Variants in SEMA4D observed in about 807,000 individuals in gnomAD.
SEMA4D encodes the protein semaphorin-4D.
A neutral mutation model predicts 74.8 loss-of-function variants in SEMA4D; 22 were observed. That is an observed-to-expected ratio of 0.29 (90% confidence interval 0.21 to 0.42). The LOEUF is 0.42. Among genes scored for constraint, SEMA4D ranks in the 10% least tolerant of loss-of-function variants. SEMA4D has a pLI of 1.00. For synonymous variants in SEMA4D, 445 were observed against 463.7 expected (o/e 0.96, Z 0.52); for missense variants, 937 against 1,118.4 (o/e 0.84, Z 2.31).
rs1836959131 is a variant in SEMA4D, at chr9:89,381,170, A to G, written c.1619+4T>C. 2 of 1,613,928 alleles carry G rather than the reference A, an allele frequency of 1.2e-6. No homozygotes were observed. The highest frequency in any genetic ancestry group is 1.7e-6 in the Non-Finnish European group (2 of 1,179,864). On this transcript the variant is annotated splice_donor_region_variant and intron_variant, in intron 14 of 15. Transcript: ENST00000422704. This position sits in a 1 kb window ranked among gnomAD's most constrained non-coding sequence, Gnocchi z 4.6. ...ATCCCCAGGCAGCGCATCCCGCCCCATACCTGCTGGGGCTCTCGGTCTGGT... is the reference window on the plus strand; with the variant it reads ...ATCCCCAGGCAGCGCATCCCGCCCCGTACCTGCTGGGGCTCTCGGTCTGGT...
At chr9:89,458,367 C>T (rs1050802247) in intron 1 of SEMA4D, among the ~76,000 whole-genome samples, 1 of 152,160 alleles carries the variant, frequency 6.6e-6, no homozygotes, top group Admixed American at 6.5e-5. Flanking sequence ...CCACATAGCA[C>T]CGCCCCTTTT....
At chr9:89,470,336 T>C (rs748566953) in intron 1 of SEMA4D, among the ~76,000 whole-genome samples, 40 of 152,278 alleles carry the variant, frequency 2.6e-4, no homozygotes, top group Non-Finnish European at 5.0e-4. Flanking sequence ...CTTCAACAGA[T>C]ACTTCACCAA....
chr9:89,458,176 C>T (rs1353086116), intron 1 of SEMA4D, among the ~76,000 whole-genome samples: 1 of 152,192 alleles, frequency 6.6e-6, no homozygotes, highest in Non-Finnish European at 1.5e-5. Flanking sequence ...CTTACGTATG[C>T]ATGTGAGTGG....
In SEMA4D at chr9:89,479,843, G is replaced by A. The variant is rs542125493; in HGVS notation, c.-310+18076C>T. Reference sequence around the variant, plus strand: ...CCAAAGAGCTAGCAGTAGCAAGAGCGAAAGAACAAAGCTTCCACAGTGTGG... The same window carrying A: ...CCAAAGAGCTAGCAGTAGCAAGAGCAAAAGAACAAAGCTTCCACAGTGTGG... On this transcript the variant is annotated intron_variant, in intron 1 of 15. Coordinates refer to ENST00000422704, the MANE Select transcript of SEMA4D (RefSeq NM_001371194.2). 163 of 154,410 alleles carry A rather than the reference G, an allele frequency of 1.1e-3. 1 individual carries two copies. The highest frequency in any genetic ancestry group is 4.4e-3 in the East Asian group (23 of 5,230). The allele number at this position is 154,410 out of a possible 1,614,324, so 9.6% of individuals were successfully genotyped here.
Position 89,400,793 on chromosome 9 carries a change from TTAAGTA to T in SEMA4D, c.253-1461_253-1456del, listed in dbSNP as rs919264035. Among the ~76,000 whole-genome samples, 8 of 152,094 alleles carry T rather than the reference TTAAGTA, an allele frequency of 5.3e-5. No homozygotes were observed. In the South Asian group the frequency reaches 6.2e-4, roughly 12 times the overall value. On this transcript the variant is annotated intron_variant, in intron 4 of 15. Transcript: ENST00000422704. ...GCGGGGGTCTCTTTATTTTTTTCTTTTAAGTATAAGAGGTCCCCAAGCCTCTCCCCA... is the reference window on the plus strand; with the variant it reads ...GCGGGGGTCTCTTTATTTTTTTCTTTTAAGAGGTCCCCAAGCCTCTCCCCA...
intron 2 of SEMA4D, among the ~76,000 whole-genome samples, chr9:89,408,996 G>T (rs534450311): frequency 6.6e-6 from 1 of 152,334 alleles, no homozygotes; most frequent in African/African-American, 2.4e-5. Context: ...CAGAGGTAAG[G>T]CGTGCCAACC....
intron 2 of SEMA4D, among the ~76,000 whole-genome samples, chr9:89,415,676 A>T (rs1240084826): frequency 1.3e-5 from 2 of 152,156 alleles, no homozygotes; most frequent in Non-Finnish European, 2.9e-5. Flanking sequence ...CAGCGCCTTG[A>T]TCTTCGACTT....
At chr9:89,482,546 C>G (rs1302944128) in intron 1 of SEMA4D, among the ~76,000 whole-genome samples, 1 of 152,172 alleles carries the variant, frequency 6.6e-6, no homozygotes, top group Admixed American at 6.5e-5. Context: ...CCTCCTCCAG[C>G]AGCAAGGAGA....
chr9:89,367,871 T>A (rs935425845), intron 16 of SEMA4D: 2 of 152,266 alleles, frequency 1.3e-5, no homozygotes, highest in Non-Finnish European at 2.9e-5. Context: ...AGCCTGTCAC[T>A]GGGGCACCTC....
At chr9:89,363,174 TC>T (rs1453195276) in intron 18 of SEMA4D, among the ~76,000 whole-genome samples, 2 of 151,986 alleles carry the variant, frequency 1.3e-5, no homozygotes, top group Non-Finnish European at 2.9e-5. Flanking sequence ...CACCTGTGAG[TC>T]CCTCCCAGTC....
intron 2 of SEMA4D, among the ~76,000 whole-genome samples, chr9:89,435,362 C>T (rs751791662): frequency 6.6e-5 from 10 of 152,216 alleles, no homozygotes; most frequent in Non-Finnish European, 1.5e-4. Flanking sequence ...ACAAGCATCC[C>T]CATTCACAGC....
intron 6 of SEMA4D, among the ~76,000 whole-genome samples, chr9:89,394,749 T>C (rs959902253): frequency 2.0e-5 from 3 of 152,204 alleles, no homozygotes; most frequent in African/African-American, 7.2e-5. Flanking sequence ...CTTCACCTGT[T>C]AGGTTAGGGA....
At chr9:89,435,803 T>C (rs1390883428) in intron 2 of SEMA4D, among the ~76,000 whole-genome samples, 2 of 152,248 alleles carry the variant, frequency 1.3e-5, no homozygotes, top group Admixed American at 1.3e-4. Context: ...ACAGGTTGCA[T>C]GTCCGGCCTT....
chr9:89,381,247 G>A lies in SEMA4D; in HGVS notation c.1546C>T (p.Arg516Trp), dbSNP rs1296451400. Residue 516 changes from arginine to tryptophan, a missense_variant, in exon 14 of 16, where the codon CGG (arginine) becomes TGG (tryptophan). Transcript: ENST00000422704. This position sits in a 1 kb window ranked among gnomAD's most constrained non-coding sequence, Gnocchi z 4.6. ...HGTCEDCVLA[R>W]DPYCAWSPPT... ...GGGCTCCAGGCGCAGTAGGGGTCCC[G>A]CGCCAGCACACAGTCCTCGCAGGTG... is the stretch of plus-strand genomic sequence containing the variant. 12 of 1,604,154 alleles carry A rather than the reference G, an allele frequency of 7.5e-6. No homozygotes were observed. The highest frequency in any genetic ancestry group is 1.0e-5 in the Non-Finnish European group (12 of 1,172,860).
chr9:89,418,341 G>C (rs1846149671), intron 2 of SEMA4D: 1 of 982,192 alleles, frequency 1.0e-6, no homozygotes, highest in African/African-American at 1.7e-5. Flanking sequence ...GAACAGAGGG[G>C]AAGGGCAGCC....
At chr9:89,410,784 G>A (rs1844363426) in intron 2 of SEMA4D, among the ~76,000 whole-genome samples, 1 of 152,160 alleles carries the variant, frequency 6.6e-6, no homozygotes. Flanking sequence ...TGAAAGGAGG[G>A]TTACATGAGG....
Position 89,492,117 on chromosome 9 carries a change from G to A in SEMA4D, c.-310+5802C>T, listed in dbSNP as rs533965928. ...AGCAAAATTCTTGAAAAAGCAATAG[G>A]GTCCTGCTGTCCCAAATTCCCCTCC... is the stretch of plus-strand genomic sequence containing the variant. On this transcript the variant is annotated intron_variant, in intron 1 of 15. Transcript: ENST00000422704. The surrounding 1 kb of genome is among the most constrained non-coding windows in gnomAD (Gnocchi z 4.3). Among the ~76,000 whole-genome samples, 1 of 152,046 alleles carries A rather than the reference G, an allele frequency of 6.6e-6. No individual in the cohort carries two copies. Among genetic ancestry groups the A allele is most frequent in the African/African-American group, 2.4e-5 (1 of 41,384 alleles).
intron 1 of SEMA4D, among the ~76,000 whole-genome samples, chr9:89,482,112 TAAG>T (rs936530219): frequency 1.3e-5 from 2 of 152,162 alleles, no homozygotes; most frequent in Admixed American, 6.5e-5. Context: ...CCAGCTGCTC[TAAG>T]AAGAAGGCAG....
chr9:89,385,361 G>A, intron 13 of SEMA4D: 2 of 985,368 alleles, frequency 2.0e-6, no homozygotes, highest in Non-Finnish European at 2.4e-6. Context: ...TCTGGCTGAG[G>A]CCACTGAACA....
Sources: allele counts gnomAD v4.1 joint callset (sites outside exome capture counted in the v4.1 genomes callset), GRCh38; gene constraint gnomAD v4.1.1; non-coding constraint Gnocchi (gnomAD v3.1); transcripts MANE v1.5; gene names NCBI Gene and HGNC (gene_info 2026-07-23, HGNC 2026-07-21).